The following MYH2 variants were observed in gnomAD, a reference collection of about 807,000 sequenced individuals.
The protein encoded by MYH2 is myosin heavy chain 2.
In MYH2, 139 loss-of-function variants were observed where a neutral mutation model predicts 228.1. The observed-to-expected ratio is 0.61, with a 90% CI of 0.53 to 0.70. The LOEUF (loss-of-function observed/expected upper bound fraction) is 0.70, where lower values mean the gene tolerates loss of function less well. Ranked by LOEUF, MYH2 falls within the 30% of genes least tolerant of loss-of-function variation. MYH2 has a pLI of 0.00. For missense variants in MYH2, 1,809 were observed against 2,357.5 expected (o/e 0.77, Z 4.82); for synonymous variants, 796 against 871.1 (o/e 0.91, Z 1.52).
At position 10,525,541 on chromosome 17, in the gene MYH2, G is replaced by C. The variant is rs537925112; in HGVS notation, c.4447C>G (p.Leu1483Val). 8 of 1,614,200 alleles carry C rather than the reference G, an allele frequency of 5.0e-6. No individual in the cohort carries two copies. Among genetic ancestry groups the C allele is most frequent in the Non-Finnish European group, 6.8e-6 (8 of 1,180,040 alleles). Residue 1483 changes from leucine to valine, a missense_variant, in exon 32 of 40, where the codon CTT becomes GTT. By Grantham distance (32) the Leu-to-Val change is conservative (BLOSUM62 1). Around this residue, in one of 9 missense-constraint regions of MYH2, gnomAD observed 636 missense variants for 729.9 expected, o/e 0.87. Transcript: ENST00000245503. This position sits in a 1 kb window ranked among gnomAD's most constrained non-coding sequence, Gnocchi z 4.2. The part of the protein sequence containing the change: ...LEASQKEARS[L>V]GTELFKIKNA... ...TTTATCTTGAACAGCTCAGTGCCAA[G>C]GGAACGGGCCTCCTTCTGGGAGGCC... is the stretch of plus-strand genomic sequence containing the variant.
rs199632177 is a variant in MYH2, at chr17:10,525,851, C to A, written c.4213G>T (p.Ala1405Ser). 1.1e-4 allele frequency: 183 copies of A among 1,614,046 alleles called. No homozygotes were observed. Among genetic ancestry groups the A allele is most frequent in the Non-Finnish European group, 1.5e-4 (173 of 1,180,040 alleles). ...ACAGCTTCTACATGTTCCTCAGCTG[C>A]CTGCAGCCGCTGGGCCAGCTTCTTC... ...AKKKLAQRLQAAEEHVEAVNA... is the reference protein window; with the variant it reads ...AKKKLAQRLQSAEEHVEAVNA... The change falls in exon 31 of 40, where the codon GCA becomes TCA. Residue 1405 changes from alanine to serine, a missense_variant. Around this residue, in one of 9 missense-constraint regions of MYH2, gnomAD observed 636 missense variants for 729.9 expected, o/e 0.87. Transcript: ENST00000245503. This position sits in a 1 kb window ranked among gnomAD's most constrained non-coding sequence, Gnocchi z 4.2.
intron 8 of MYH2, 123 bp from the exon 9 acceptor site, chr17:10,543,284 GA>G: frequency 1.3e-6 from 1 of 741,032 alleles, no homozygotes; most frequent in Non-Finnish European, 2.2e-6. Flanking sequence ...GCATCAGGTA[GA>G]AAAAGGTGTA....
chr17:10,534,373 T>G (rs2073458522), intron 19 of MYH2, among the ~76,000 whole-genome samples: 1 of 152,240 alleles, frequency 6.6e-6, no homozygotes, highest in African/African-American at 2.4e-5. Context: ...TTAATAACTG[T>G]GACTTTGGGC....
chr17:10,536,802 G>C (rs138850634), intron 16 of MYH2, among the ~76,000 whole-genome samples, 196 bp from the exon 17 acceptor site: 102 of 152,244 alleles, frequency 6.7e-4, no homozygotes, highest in African/African-American at 2.3e-3. Flanking sequence ...GGGAAATGAG[G>C]CCAGGGATAT....
intron 10 of MYH2, 79 bp from the exon 11 acceptor site, chr17:10,540,776 G>T: frequency 1.6e-6 from 2 of 1,266,972 alleles, no homozygotes; most frequent in Non-Finnish European, 2.3e-6. Flanking sequence ...AAATTGTGAG[G>T]CACTATATTG....
In MYH2 at chr17:10,545,393, G is replaced by C; in HGVS notation, c.458C>G (p.Pro153Arg). Reference protein sequence around the residue: ...YRGKKRQEAPPHIFSISDNAY... With the variant: ...YRGKKRQEAPRHIFSISDNAY... ...GTTGTCAGAGATGGAGAAGATGTGG[G>C]GCGGGGCCTCCTGGCGCTTTTTGCC... Residue 153 changes from proline to arginine, a missense_variant, in exon 5 of 40, where the codon CCC becomes CGC. Physicochemically the swap from Pro to Arg is moderately radical, Grantham distance 103. Around this residue, in one of 9 missense-constraint regions of MYH2, gnomAD observed 373 missense variants for 620.4 expected, o/e 0.60. Transcript: ENST00000245503. 6.2e-6 allele frequency: 10 copies of C among 1,614,024 alleles called. No individual in the cohort carries two copies. The highest frequency in any genetic ancestry group is 8.5e-6 in the Non-Finnish European group (10 of 1,179,980).
rs199892064 is a variant in MYH2, at chr17:10,537,588, C to T, written c.1588-46G>A. 8 of 1,609,602 alleles carry T rather than the reference C, an allele frequency of 5.0e-6. No individual in the cohort carries two copies. In the East Asian group the frequency reaches 6.7e-5, roughly 13 times the overall value. On this transcript the variant is annotated intron_variant, in intron 15 of 39. Coordinates refer to ENST00000245503, the MANE Select transcript of MYH2 (RefSeq NM_017534.6). The surrounding 1 kb of genome is among the most constrained non-coding windows in gnomAD (Gnocchi z 4.0). The stretch of plus-strand genomic sequence containing the variant: ...CAAAATTGTACTTCTATTTTTTTTT[C>T]TGTCTATAGAATTAAAATAAAAAGC...
intron 21 of MYH2, among the ~76,000 whole-genome samples, chr17:10,532,902 T>C (rs997733770): frequency 6.6e-6 from 1 of 152,312 alleles, no homozygotes; most frequent in South Asian, 2.1e-4. Context: ...AGGGAAAAAG[T>C]TGTCTCTACA....
rs1176701025 is a variant in MYH2 at position 10,530,051 on chromosome 17, T to C, written c.2721A>G (p.Ala907=). The C allele has an allele frequency of 6.2e-7, 1 of 1,614,240 alleles. No homozygotes were observed. The highest frequency in any genetic ancestry group is 8.5e-7 in the Non-Finnish European group (1 of 1,180,032). The change falls in exon 23 of 40, where the codon GCA becomes GCG. Residue 907 remains alanine, a synonymous_variant. Transcript: ENST00000245503. ...VQAEAEGLAD[A]EERCDQLIKT... The stretch of plus-strand genomic sequence containing the variant: ...TGATTAGCTGGTCACACCTTTCCTC[T>C]GCATCAGCCAAGCCTTCGGCTTCCT...
Position 10,525,315 on chromosome 17 carries a change from T to C in MYH2, c.4571A>G (p.Glu1524Gly). The stretch of plus-strand genomic sequence containing the variant: ...CAGTTCATGGATACGTTTCCCTCCT[T>C]CTGCAATCTGTTCCGTGAGGTCAGA... ...EISDLTEQIA[E>G]GGKRIHELEK... The change falls in exon 33 of 40, where the codon GAA becomes GGA. Residue 1524 changes from glutamate to glycine, a missense_variant. Glu to Gly is a moderately conservative substitution (Grantham distance 98). This residue lies in a region of MYH2 where 636 missense variants were observed against 729.9 expected (regional missense o/e 0.87). Coordinates refer to ENST00000245503, the MANE Select transcript of MYH2 (RefSeq NM_017534.6). This position sits in a 1 kb window ranked among gnomAD's most constrained non-coding sequence, Gnocchi z 4.2. 1 of 1,614,172 alleles carries C rather than the reference T, an allele frequency of 6.2e-7. No homozygotes were observed.
At chr17:10,543,279 A>T (rs2073581827) in intron 8 of MYH2, 118 bp from the exon 9 acceptor site, 2 of 743,862 alleles carry the variant, frequency 2.7e-6, no homozygotes, top group Admixed American at 5.5e-5. Flanking sequence ...TATTTGCATC[A>T]GGTAGAAAAA....
chr17:10,528,365 G>A (rs138153295), intron 27 of MYH2, among the ~76,000 whole-genome samples: 21 of 152,136 alleles, frequency 1.4e-4, no homozygotes, highest in East Asian at 1.9e-4. Context: ...CTTTATGTAC[G>A]ATGAAACTTT....
intron 11 of MYH2, 145 bp downstream of exon 11, chr17:10,540,449 T>A: frequency 1.3e-6 from 1 of 746,812 alleles, no homozygotes. Context: ...GGGCACATCA[T>A]ACTCTTTTCA....
intron 21 of MYH2, 116 bp downstream of exon 21, chr17:10,533,169 A>G (rs2073443852): frequency 1.4e-6 from 2 of 1,451,764 alleles, no homozygotes; most frequent in East Asian, 4.6e-5. Context: ...CCACTTCATT[A>G]TAGGACTCTT....
At chr17:10,539,656 G>A in intron 12 of MYH2, 94 bp from the exon 13 acceptor site, 2 of 1,345,108 alleles carry the variant, frequency 1.5e-6, no homozygotes, top group Non-Finnish European at 2.1e-6. Flanking sequence ...TTTGTGCAGT[G>A]TTTTAAATAT....
Position 10,539,549 on chromosome 17 carries a change from C to A in MYH2, c.1161G>T (p.Ala387=). 1 of 1,613,826 alleles carries A rather than the reference C, an allele frequency of 6.2e-7. No homozygotes were observed. Among genetic ancestry groups the A allele is most frequent in the Non-Finnish European group, 8.5e-7 (1 of 1,179,854 alleles). ...CAGAGTTCAGACTCTGGAGGTAGGC[C>A]GCCTTGTCAGCAACTAAAAAGAAGA... ...EPDGTEVADK[A]AYLQSLNSAD... is the part of the protein sequence containing the mutation. Residue 387 remains alanine (A), a synonymous_variant, in exon 13 of 40, where the codon GCG becomes GCT. Coordinates refer to ENST00000245503, the MANE Select transcript of MYH2 (RefSeq NM_017534.6).
intron 28 of MYH2, among the ~76,000 whole-genome samples, chr17:10,527,359 T>G (rs999467282): frequency 3.9e-5 from 6 of 152,202 alleles, no homozygotes; most frequent in African/African-American, 1.2e-4. Context: ...AATGTCTAAT[T>G]CTACAGGGTC....
In MYH2 at chr17:10,523,538, G is replaced by A. The variant is rs753020212; in HGVS notation, c.5430C>T (p.Ala1810=). 2 of 1,614,084 alleles carry A rather than the reference G, an allele frequency of 1.2e-6. No individual in the cohort carries two copies. Among genetic ancestry groups the A allele is most frequent in the East Asian group, 2.2e-5 (1 of 44,868 alleles). ...GGATCTGCTTCTTCCCACCCTTCAG[G>A]GCCAGCTGCTCAGCCTCATCCAGAC... ...QLRLDEAEQL[A]LKGGKKQIQK... Residue 1810 remains alanine, a synonymous_variant, in exon 37 of 40, where the codon GCC becomes GCT. Coordinates refer to ENST00000245503, the MANE Select transcript of MYH2 (RefSeq NM_017534.6).
In MYH2 at chr17:10,531,611, CA is replaced by C. The variant is rs1302086287; in HGVS notation, c.2697+21del. ...GCACCTGCATCCTGGTTAGTGATACCAAGGGTGATATTCCAACTCACAGCCT... is the reference window on the plus strand; with the variant it reads ...GCACCTGCATCCTGGTTAGTGATACCAGGGTGATATTCCAACTCACAGCCT... On this transcript the variant is annotated intron_variant, in intron 22 of 39. Coordinates refer to ENST00000245503, the MANE Select transcript of MYH2 (RefSeq NM_017534.6). The C allele has an allele frequency of 3.1e-6, 5 of 1,614,026 alleles. No individual in the cohort carries two copies. In the African/African-American group the frequency reaches 5.3e-5, roughly 17 times the overall value.
Sources: allele counts gnomAD v4.1 joint callset (sites outside exome capture counted in the v4.1 genomes callset), GRCh38; gene constraint gnomAD v4.1.1; regional missense constraint gnomAD v4.1.1; non-coding constraint Gnocchi (gnomAD v3.1); transcripts MANE v1.5; gene names NCBI Gene and HGNC (gene_info 2026-07-23, HGNC 2026-07-21).